ARHGAP32: variants seen among roughly 807,000 people sequenced by gnomAD.
The protein encoded by ARHGAP32 is rho GTPase-activating protein 32.
Under a neutral mutation model 186.5 loss-of-function variants are expected in ARHGAP32, and 51 were observed. That is an observed-to-expected ratio of 0.27 (90% CI 0.22 to 0.35). ARHGAP32 has a LOEUF of 0.35. ARHGAP32 is among the 10% of genes least tolerant of loss of function. The pLI is 1.00. For synonymous variants in ARHGAP32, 950 were observed against 964.3 expected (o/e 0.99, Z 0.27); for missense variants, 2,186 against 2,623.5 (o/e 0.83, Z 3.64).
At chr11:128,987,536 T>TTA (rs1228689928) in intron 13 of ARHGAP32, among the ~76,000 whole-genome samples, 1 of 152,128 alleles carries the variant, frequency 6.6e-6, no homozygotes, top group Non-Finnish European at 1.5e-5. Context: ...ATCCAAGAGA[T>TTA]TAAGCAAAAA....
intron 5 of ARHGAP32, among the ~76,000 whole-genome samples, chr11:129,120,245 C>T (rs1191224720): frequency 2.0e-5 from 3 of 152,016 alleles, no homozygotes; most frequent in Non-Finnish European, 4.4e-5. Context: ...GCCCAAGATG[C>T]TCCACGGTTC....
At chr11:128,994,063 CAT>C (rs1440984333) in intron 12 of ARHGAP32, among the ~76,000 whole-genome samples, 2 of 152,034 alleles carry the variant, frequency 1.3e-5, no homozygotes, top group Admixed American at 1.3e-4. Flanking sequence ...AGAATGGAAA[CAT>C]AACTGAAACT....
chr11:129,070,279 T>C (rs1940828590), intron 6 of ARHGAP32, among the ~76,000 whole-genome samples: 1 of 152,044 alleles, frequency 6.6e-6, no homozygotes, highest in Admixed American at 6.6e-5. Context: ...CTGGAAACCA[T>C]TCATTAAATA....
At chr11:129,189,288 C>T (rs1204284094) in intron 1 of ARHGAP32, among the ~76,000 whole-genome samples, 1 of 152,066 alleles carries the variant, frequency 6.6e-6, no homozygotes, top group Non-Finnish European at 1.5e-5. Context: ...AAATTTTGCT[C>T]CACCATGACA....
intron 6 of ARHGAP32, among the ~76,000 whole-genome samples, chr11:129,068,290 G>C (rs1025755607): frequency 3.3e-5 from 5 of 151,996 alleles, no homozygotes; most frequent in Admixed American, 6.6e-5. Context: ...GCATGTATTC[G>C]ATTCATGAGC....
At chr11:129,038,100 C>CA (rs1310917808) in intron 11 of ARHGAP32, among the ~76,000 whole-genome samples, 4 of 151,020 alleles carry the variant, frequency 2.6e-5, no homozygotes, top group Admixed American at 1.3e-4. Flanking sequence ...GACTCTGCCT[C>CA]AAAAAAACGA....
chr11:129,128,866 G>A (rs1430833856), intron 2 of ARHGAP32, among the ~76,000 whole-genome samples: 1 of 152,218 alleles, frequency 6.6e-6, no homozygotes, highest in African/African-American at 2.4e-5. Context: ...ATTGCAGACG[G>A]AGTCTCGCTC....
chr11:129,017,999 T>C (rs1416700507), intron 11 of ARHGAP32, among the ~76,000 whole-genome samples: 1 of 152,156 alleles, frequency 6.6e-6, no homozygotes, highest in Admixed American at 6.5e-5. Flanking sequence ...GTAACTACTT[T>C]CTTTTCTTGC....
At chr11:129,154,718 T>C (rs1051826161) in intron 2 of ARHGAP32, among the ~76,000 whole-genome samples, 1 of 152,044 alleles carries the variant, frequency 6.6e-6, no homozygotes. Context: ...TAATGGACTT[T>C]GGCACTCGAG....
chr11:129,211,405 T>C (rs1324165247), intron 1 of ARHGAP32, among the ~76,000 whole-genome samples: 1 of 152,212 alleles, frequency 6.6e-6, no homozygotes, highest in Non-Finnish European at 1.5e-5. Flanking sequence ...CAATATTTAC[T>C]ATATATTCCT....
chr11:129,101,599 A>C (rs990411168), intron 5 of ARHGAP32, among the ~76,000 whole-genome samples: 2 of 152,236 alleles, frequency 1.3e-5, no homozygotes, highest in Non-Finnish European at 2.9e-5. Context: ...CATAGGAAAG[A>C]ATCTCAAAGC....
At chr11:128,980,287 T>C (rs957324157) in intron 18 of ARHGAP32, among the ~76,000 whole-genome samples, 7 of 152,240 alleles carry the variant, frequency 4.6e-5, no homozygotes, top group Non-Finnish European at 7.3e-5. Context: ...ATAGTGACAG[T>C]ATATCCTTAT....
intron 2 of ARHGAP32, among the ~76,000 whole-genome samples, chr11:129,131,911 T>C (rs541819885): frequency 8.5e-5 from 13 of 152,136 alleles, no homozygotes; most frequent in Non-Finnish European, 1.8e-4. Flanking sequence ...TCAGGAAAAA[T>C]AGTGCAAGAC....
At chr11:129,017,391 G>A (rs1938402055) in intron 11 of ARHGAP32, among the ~76,000 whole-genome samples, 1 of 149,006 alleles carries the variant, frequency 6.7e-6, no homozygotes, top group South Asian at 2.1e-4. Context: ...AGGCTGCAGT[G>A]AGCTGAGATC....
At chr11:129,235,820 T>G (rs1302984690) in intron 1 of ARHGAP32, among the ~76,000 whole-genome samples, 1 of 152,026 alleles carries the variant, frequency 6.6e-6, no homozygotes, top group African/African-American at 2.4e-5. Flanking sequence ...TATTTAGTTT[T>G]CCATTCCTGA....
intron 5 of ARHGAP32, among the ~76,000 whole-genome samples, chr11:129,114,943 G>A (rs1942322838): frequency 6.6e-6 from 1 of 152,102 alleles, no homozygotes; most frequent in African/African-American, 2.4e-5. Flanking sequence ...GTAGCATAGA[G>A]CAGGGTAAAA....
In ARHGAP32 at chr11:129,185,489, T is replaced by C. The variant is rs1379796911; in HGVS notation, c.116+6594A>G. On this transcript the variant is annotated intron_variant, in intron 1 of 22. Transcript: ENST00000682385. ...AGAGGAGAGGGATAGCATTAGGAGA[T>C]ATACCTAATGTAAATGACGAGTTAC... 2.6e-5 allele frequency among the ~76,000 whole-genome samples: 4 copies of C among 152,110 alleles called. No homozygotes were observed. The East Asian group carries it at 7.7e-4, about 29-fold the overall frequency.
intron 12 of ARHGAP32, among the ~76,000 whole-genome samples, chr11:128,997,359 T>C (rs1021316570): frequency 1.8e-4 from 27 of 152,242 alleles, no homozygotes; most frequent in African/African-American, 2.4e-5. Context: ...AGTCCACTGA[T>C]ATTCTTTAAA....
intron 1 of ARHGAP32, among the ~76,000 whole-genome samples, chr11:129,226,663 G>A (rs188332038): frequency 7.2e-5 from 11 of 152,186 alleles, no homozygotes; most frequent in Admixed American, 3.9e-4. Context: ...CAGTCATTAC[G>A]TTAAATGTAC....
Sources: gnomAD v4.1 joint callset for allele counts (sites outside exome capture counted in the v4.1 genomes callset) on GRCh38, gnomAD v4.1.1 for gene constraint, MANE v1.5 for transcripts, NCBI Gene and HGNC (gene_info 2026-07-23, HGNC 2026-07-21) for gene names.